The following SEMA4D variants were observed in gnomAD, a reference collection of about 807,000 sequenced individuals.
SEMA4D encodes the protein semaphorin 4D, also known as semaphorin-4D.
A neutral mutation model predicts 74.8 loss-of-function variants in SEMA4D; 22 were observed. The ratio of observed to expected loss-of-function variants is 0.29; its 90% CI spans 0.21 to 0.42. The LOEUF (loss-of-function observed/expected upper bound fraction) is 0.42. SEMA4D is among the 10% of genes least tolerant of loss of function. The pLI is 1.00. For missense variants in SEMA4D, 937 were observed against 1,118.4 expected (o/e 0.84, Z 2.31); for synonymous variants, 445 against 463.7 (o/e 0.96, Z 0.52).
At chr9:89,389,223 T>C (rs1306088316) in intron 9 of SEMA4D, among the ~76,000 whole-genome samples, 176 bp from the exon 10 acceptor site, 2 of 152,168 alleles carry the variant, frequency 1.3e-5, no homozygotes, top group East Asian at 3.9e-4. Context: ...CAGCACCACG[T>C]CCAGGTTCCA....
At chr9:89,412,839 T>A (rs1844828030) in intron 2 of SEMA4D, among the ~76,000 whole-genome samples, 1 of 152,202 alleles carries the variant, frequency 6.6e-6, no homozygotes, top group South Asian at 2.1e-4. Flanking sequence ...GGGTTTTTTT[T>A]TCCTTTTTCA....
intron 1 of SEMA4D, among the ~76,000 whole-genome samples, chr9:89,481,171 T>A (rs1440818455): frequency 6.6e-6 from 1 of 152,114 alleles, no homozygotes. Flanking sequence ...ACTGTGAAGC[T>A]GAAAAACACC....
intron 1 of SEMA4D, among the ~76,000 whole-genome samples, chr9:89,469,285 G>A (rs1427737869): frequency 6.6e-6 from 1 of 152,192 alleles, no homozygotes; most frequent in Non-Finnish European, 1.5e-5. Flanking sequence ...AGAATATGTA[G>A]TTAAATACCT....
intron 1 of SEMA4D, among the ~76,000 whole-genome samples, chr9:89,485,927 C>G (rs187487719): frequency 6.6e-6 from 1 of 151,900 alleles, no homozygotes; most frequent in African/African-American, 2.4e-5. Context: ...CTTGGCTGAG[C>G]GGCTTCAAGA....
At chr9:89,455,014 C>T (rs1161199617) in intron 2 of SEMA4D, among the ~76,000 whole-genome samples, 2 of 152,378 alleles carry the variant, frequency 1.3e-5, no homozygotes, top group East Asian at 1.9e-4. Context: ...CCCTGCAGGG[C>T]AGGCAGCCCG....
At chr9:89,479,315 G>A (rs1368024972) in intron 1 of SEMA4D, among the ~76,000 whole-genome samples, 1 of 152,226 alleles carries the variant, frequency 6.6e-6, no homozygotes, top group Non-Finnish European at 1.5e-5. Context: ...TGGCAGCAAT[G>A]GCGAGATTGG....
chr9:89,391,996 C>T (rs1839975199), intron 8 of SEMA4D, among the ~76,000 whole-genome samples: 1 of 152,190 alleles, frequency 6.6e-6, no homozygotes, highest in Non-Finnish European at 1.5e-5. Context: ...ACATGTGCTG[C>T]TGGCAGCAAC....
intron 2 of SEMA4D, among the ~76,000 whole-genome samples, chr9:89,416,664 G>A (rs1442214327): frequency 6.6e-6 from 1 of 152,230 alleles, no homozygotes; most frequent in Admixed American, 6.5e-5. Context: ...ACTGTTAACA[G>A]TGGTCGCTTA....
intron 3 of SEMA4D, among the ~76,000 whole-genome samples, chr9:89,404,863 A>G (rs1842975538): frequency 7.1e-6 from 1 of 141,210 alleles, no homozygotes; most frequent in Non-Finnish European, 1.5e-5. Flanking sequence ...TCAGCATCCC[A>G]GGAAGTGGAG....
downstream of SEMA4D, among the ~76,000 whole-genome samples, chr9:89,373,183 G>A (rs1252708600): frequency 6.6e-6 from 1 of 152,104 alleles, no homozygotes; most frequent in Non-Finnish European, 1.5e-5. Context: ...CTCCGCCCAC[G>A]TGGCCACATC....
chr9:89,384,770 T>A, intron 13 of SEMA4D: 1 of 985,276 alleles, frequency 1.0e-6, no homozygotes, highest in Non-Finnish European at 1.2e-6. Context: ...TGGCCGTTTC[T>A]CCATTTGCTG....
At chr9:89,377,215 T>C (rs1835932388), downstream of SEMA4D, 1 of 1,023,040 alleles carries the variant, frequency 9.8e-7, no homozygotes, top group Non-Finnish European at 1.3e-6. Context: ...CAGCCTCCGC[T>C]AAGGAATGTC....
At chr9:89,480,929 G>T (rs1824595135) in intron 1 of SEMA4D, among the ~76,000 whole-genome samples, 1 of 152,232 alleles carries the variant, frequency 6.6e-6, no homozygotes, top group Non-Finnish European at 1.5e-5. Context: ...AGGCAGGGGA[G>T]GTGCCGAGAG....
intron 16 of SEMA4D, among the ~76,000 whole-genome samples, chr9:89,371,957 G>GGTGTGTGTGGGGTGTGGT (rs1835006517): frequency 7.1e-6 from 1 of 140,600 alleles, no homozygotes; most frequent in Non-Finnish European, 1.6e-5. Context: ...TGTGGGGTGT[G>GGTGTGTGTGGGGTGTGGT]GTGTGTGTGG....
chr9:89,467,469 A>G (rs1443980919), intron 1 of SEMA4D, among the ~76,000 whole-genome samples: 1 of 149,800 alleles, frequency 6.7e-6, no homozygotes. Context: ...TTCTTACAGG[A>G]AATGTGTTAT....
chr9:89,363,700 T>C (rs1320389343), intron 17 of SEMA4D: 17 of 1,598,912 alleles, frequency 1.1e-5, no homozygotes, highest in Non-Finnish European at 1.5e-5. Flanking sequence ...AGTGAAAAAT[T>C]ACCTCATAAA....
At chr9:89,371,454 C>G (rs201038418) in intron 16 of SEMA4D, among the ~76,000 whole-genome samples, 11 of 27,444 alleles carry the variant, frequency 4.0e-4, no homozygotes, top group South Asian at 1.7e-3. Flanking sequence ...TGGTGTGTGT[C>G]TGGGGTGTGT....
chr9:89,391,184 G>A (rs965812013), intron 9 of SEMA4D, 80 bp downstream of exon 9: 10 of 1,398,500 alleles, frequency 7.2e-6, no homozygotes, highest in Non-Finnish European at 9.0e-6. Flanking sequence ...CATTTGAGAC[G>A]AAGGTCAGGA....
downstream of SEMA4D, among the ~76,000 whole-genome samples, chr9:89,372,950 T>G (rs1835311869): frequency 6.6e-6 from 1 of 152,076 alleles, no homozygotes; most frequent in Non-Finnish European, 1.5e-5. Context: ...TTCCACTTCC[T>G]AGAGGCGAGA....
Sources: allele counts gnomAD v4.1 joint callset (sites outside exome capture counted in the v4.1 genomes callset), GRCh38; gene constraint gnomAD v4.1.1; transcripts MANE v1.5; gene names NCBI Gene and HGNC (gene_info 2026-07-23, HGNC 2026-07-21).